DDX10: variants seen among roughly 807,000 people sequenced by gnomAD.
The protein encoded by DDX10 is DEAD-box helicase 10.
In DDX10, 74 loss-of-function variants were observed where a neutral mutation model predicts 104.3. The observed-to-expected ratio is 0.71, with a 90% CI of 0.59 to 0.86. DDX10 has a LOEUF of 0.86. Ranked by LOEUF, DDX10 falls within the 40% of genes least tolerant of loss-of-function variation. The pLI is 0.00. For missense variants in DDX10, 952 were observed against 1,040.0 expected, an observed-to-expected ratio of 0.92 and a Z score of 1.16; for synonymous variants, 351 against 353.4, an observed-to-expected ratio of 0.99 and a Z score of 0.08.
chr11:108,675,792 C>A, intron 3 of DDX10, 66 bp downstream of exon 3: 2 of 1,560,848 alleles, frequency 1.3e-6, no homozygotes, highest in Non-Finnish European at 8.8e-7. Flanking sequence ...TGCCCAGATG[C>A]AGATTATATA....
At chr11:108,885,744 G>T (rs1863288340) in intron 16 of DDX10, among the ~76,000 whole-genome samples, 1 of 152,002 alleles carries the variant, frequency 6.6e-6, no homozygotes, top group Non-Finnish European at 1.5e-5. Context: ...ACTCTGCTTT[G>T]CAGGTAGTAA....
chr11:108,916,850 A>C (rs975448351), intron 16 of DDX10, among the ~76,000 whole-genome samples: 7 of 152,248 alleles, frequency 4.6e-5, no homozygotes, highest in Admixed American at 2.6e-4. Context: ...TGACAAAAAT[A>C]ACCACCAAAA....
At chr11:108,746,363 A>G (rs1044047329) in intron 13 of DDX10, among the ~76,000 whole-genome samples, 11 of 151,764 alleles carry the variant, frequency 7.2e-5, no homozygotes, top group Admixed American at 2.6e-4. Flanking sequence ...ATGTTGTTGC[A>G]TATATCAGTA....
intron 16 of DDX10, among the ~76,000 whole-genome samples, chr11:108,888,259 G>A (rs994913135): frequency 1.3e-5 from 2 of 152,188 alleles, no homozygotes; most frequent in African/African-American, 4.8e-5. Flanking sequence ...AATAAGGGGT[G>A]GCAATACTAT....
intron 1 of DDX10, among the ~76,000 whole-genome samples, chr11:108,668,545 TGCA>T (rs1254872255): frequency 1.3e-5 from 2 of 152,208 alleles, no homozygotes; most frequent in Non-Finnish European, 2.9e-5. Flanking sequence ...GTAAACAAGG[TGCA>T]GGCCCTCACT....
Position 108,841,919 on chromosome 11 carries a change from T to C in DDX10, c.2247+443T>C, listed in dbSNP as rs186575123. On this transcript the variant is annotated intron_variant, in intron 15 of 17. Transcript: ENST00000322536. ...TCTATGGAGACAGAGCCAAGTTGTG[T>C]GCATCAGTGCTTTGTTCCTTTTATT... Among the ~76,000 whole-genome samples, 169 of 152,332 alleles carry C rather than the reference T, an allele frequency of 1.1e-3. 2 individuals are homozygous for C. Among genetic ancestry groups the C allele is most frequent in the African/African-American group, 3.9e-3 (164 of 41,584 alleles).
At chr11:108,879,293 T>C (rs1223942268) in intron 16 of DDX10, among the ~76,000 whole-genome samples, 1 of 152,120 alleles carries the variant, frequency 6.6e-6, no homozygotes, top group African/African-American at 2.4e-5. Flanking sequence ...AGCCATCACA[T>C]CCGGCCGAAA....
chr11:108,788,972 C>T (rs1227574915), intron 13 of DDX10, among the ~76,000 whole-genome samples: 1 of 152,136 alleles, frequency 6.6e-6, no homozygotes, highest in Admixed American at 6.5e-5. Context: ...GTCCCCGGGG[C>T]TCTCTCAGGC....
At chr11:108,886,842 C>G (rs1242372282) in intron 16 of DDX10, among the ~76,000 whole-genome samples, 1 of 152,226 alleles carries the variant, frequency 6.6e-6, no homozygotes, top group Non-Finnish European at 1.5e-5. Context: ...CATGACTGAT[C>G]TCACCCATTG....
chr11:108,869,392 GATATT>G (rs1445811413), intron 16 of DDX10, among the ~76,000 whole-genome samples: 1 of 152,090 alleles, frequency 6.6e-6, no homozygotes, highest in Non-Finnish European at 1.5e-5. Flanking sequence ...TAAAAATACT[GATATT>G]TGAACTTCAG....
At chr11:108,756,393 G>A (rs1327039190) in intron 13 of DDX10, among the ~76,000 whole-genome samples, 2 of 151,978 alleles carry the variant, frequency 1.3e-5, no homozygotes, top group Non-Finnish European at 2.9e-5. Flanking sequence ...CAAACACAAT[G>A]GAGTTTATAG....
chr11:108,881,377 G>A (rs1360037716), intron 16 of DDX10, among the ~76,000 whole-genome samples: 4 of 152,176 alleles, frequency 2.6e-5, no homozygotes, highest in African/African-American at 9.7e-5. Context: ...GCTATTTGAG[G>A]TAAAGCAATC....
intron 1 of DDX10, among the ~76,000 whole-genome samples, chr11:108,672,277 C>A (rs988211011): frequency 6.6e-6 from 1 of 152,088 alleles, no homozygotes. Flanking sequence ...GTGTTGGCAG[C>A]CTGCCTCCTT....
intron 13 of DDX10, among the ~76,000 whole-genome samples, chr11:108,802,239 A>G (rs61915165): frequency 0.1 from 15,822 of 152,112 alleles, 1,162 homozygotes; most frequent in South Asian, 0.21. Flanking sequence ...TCAGCATCCA[A>G]AATCCAAAAA....
At chr11:108,822,319 G>C in intron 13 of DDX10, 1 of 322,196 alleles carries the variant, frequency 3.1e-6, no homozygotes, top group South Asian at 3.1e-5. Flanking sequence ...AATAAATAAG[G>C]CAGTGGCCAG....
At chr11:108,819,821 A>T (rs181877384) in intron 13 of DDX10, among the ~76,000 whole-genome samples, 9 of 151,954 alleles carry the variant, frequency 5.9e-5, no homozygotes, top group Non-Finnish European at 1.2e-4. Context: ...CTGGTCTCGA[A>T]CTCCTGACCT....
At chr11:108,717,928 G>A (rs1158172832) in intron 11 of DDX10, among the ~76,000 whole-genome samples, 1 of 152,170 alleles carries the variant, frequency 6.6e-6, no homozygotes, top group African/African-American at 2.4e-5. Context: ...GGAGGCTGAG[G>A]TGGGTGGATC....
At position 108,934,974 on chromosome 11, in the gene DDX10, T is replaced by C. The variant is rs116872398; in HGVS notation, c.2451-5272T>C. On this transcript the variant is annotated intron_variant, in intron 17 of 17. Coordinates refer to ENST00000322536, the MANE Select transcript of DDX10 (RefSeq NM_004398.4). ...GAATTCGCAGCAAAATCCATTGAAA[T>C]GTTGCCTTTTTTGTTGCAGTGATGG... Among the ~76,000 whole-genome samples the C allele has an allele frequency of 7.7e-3, 1,169 of 152,200 alleles. 5 individuals carry two copies. The highest frequency in any genetic ancestry group is 0.031 in the Middle Eastern group (9 of 294).
chr11:108,859,579 GTAAATAAATCCAGGTGATGCCCTTTA>G (rs1447138221), intron 16 of DDX10, among the ~76,000 whole-genome samples: 1 of 152,192 alleles, frequency 6.6e-6, no homozygotes, highest in Non-Finnish European at 1.5e-5. Flanking sequence ...AGCCTAAACA[GTAAATAAATCCAGGTGATGCCCTTTA>G]TACTTCATCA....
Sources: allele counts gnomAD v4.1 joint callset (sites outside exome capture counted in the v4.1 genomes callset), GRCh38; gene constraint gnomAD v4.1.1; transcripts MANE v1.5; gene names NCBI Gene and HGNC (gene_info 2026-07-23, HGNC 2026-07-21).